The following AFF1 variants were observed in gnomAD, a reference collection of about 807,000 sequenced individuals.
The protein encoded by AFF1 is ALF transcription elongation factor 1.
In AFF1, 48 loss-of-function variants were observed where a neutral mutation model predicts 121.7. That is an observed-to-expected ratio of 0.39 (90% CI 0.31 to 0.50). The LOEUF is 0.50. Ranked by LOEUF, AFF1 falls within the 20% of genes least tolerant of loss-of-function variation. AFF1 has a pLI of 0.76. For synonymous variants in AFF1, 613 were observed against 563.0 expected (o/e 1.09, Z -1.26); for missense variants, 1,523 against 1,511.7 (o/e 1.01, Z -0.12).
intron 2 of AFF1, among the ~76,000 whole-genome samples, chr4:86,986,015 C>G (rs1560519015): frequency 6.7e-6 from 1 of 148,532 alleles, no homozygotes. Flanking sequence ...ACACCTGAAT[C>G]CTTTTTTTAA....
chr4:87,019,857 A>G (rs922767573), intron 2 of AFF1, among the ~76,000 whole-genome samples: 62 of 113,586 alleles, frequency 5.5e-4, no homozygotes, highest in Admixed American at 1.4e-3. Context: ...CTGGAGGTCC[A>G]GACCTGTGAC....
intron 2 of AFF1, chr4:87,020,924 CTT>C: frequency 1.2e-6 from 1 of 800,170 alleles, no homozygotes; most frequent in Non-Finnish European, 1.5e-6. Context: ...AGATGTGTAT[CTT>C]TTAATATATT....
In AFF1 at chr4:86,947,605, T is replaced by G. The variant is rs181016782; in HGVS notation, c.-36-893T>G. 8.7e-4 allele frequency among the ~76,000 whole-genome samples: 133 copies of G among 152,280 alleles called. 1 individual carries two copies. Among genetic ancestry groups the G allele is most frequent in the African/African-American group, 3.0e-3 (123 of 41,556 alleles). ...TTGAAAAGTAAAACAAACTATTTAATGCAAGTTAGGATAAGTGTAGTCAAT... is the reference window on the plus strand; with the variant it reads ...TTGAAAAGTAAAACAAACTATTTAAGGCAAGTTAGGATAAGTGTAGTCAAT... On this transcript the variant is annotated intron_variant, in intron 1 of 20. Transcript: ENST00000395146.
At position 86,945,497 on chromosome 4, in the gene AFF1, A is replaced by ATTTTTTTTTTTTT. The variant is rs34305215; in HGVS notation, c.-36-2989_-36-2977dup. On this transcript the variant is annotated intron_variant, in intron 1 of 20. Transcript: ENST00000395146. ...GTGCCACCTTGCCCAGCCTTTCCCA[A>ATTTTTTTTTTTTT]TTTTTTTTTTTTTTTTTTTTTTTTA... Among the ~76,000 whole-genome samples the ATTTTTTTTTTTTT allele has an allele frequency of 4.6e-5, 4 of 86,630 alleles. 1 individual carries two copies. The highest frequency in any genetic ancestry group is 2.1e-4 in the African/African-American group (4 of 19,132). The allele number at this position is 86,630 out of a possible 152,430, so 56.8% of individuals were successfully genotyped here.
intron 4 of AFF1, among the ~76,000 whole-genome samples, chr4:87,051,423 T>A (rs1392665987): frequency 6.6e-6 from 1 of 151,906 alleles, no homozygotes; most frequent in African/African-American, 2.4e-5. Flanking sequence ...TTCTTTTTTT[T>A]TTTTTTAACG....
chr4:86,964,951 C>T (rs950318789), intron 2 of AFF1, among the ~76,000 whole-genome samples: 51 of 152,240 alleles, frequency 3.3e-4, no homozygotes, highest in African/African-American at 1.1e-3. Context: ...CTGTGTTTTG[C>T]AAATAACCAG....
intron 2 of AFF1, among the ~76,000 whole-genome samples, chr4:86,982,298 A>C (rs76388202): frequency 0.042 from 6,375 of 151,962 alleles, 438 homozygotes; most frequent in African/African-American, 0.15. Context: ...GGAGTACAAC[A>C]GTTTGCTAAG....
chr4:86,972,840 T>TA (rs1376066055), intron 2 of AFF1, among the ~76,000 whole-genome samples: 1 of 152,172 alleles, frequency 6.6e-6, no homozygotes, highest in African/African-American at 2.4e-5. Flanking sequence ...ACACCTGGCC[T>TA]AATATTATTT....
intron 2 of AFF1, among the ~76,000 whole-genome samples, chr4:86,988,148 T>TC (rs2149500410): frequency 6.6e-6 from 1 of 152,266 alleles, no homozygotes; most frequent in African/African-American, 2.4e-5. Context: ...AGGATGTTCA[T>TC]CACTTAAAAC....
rs1729502860 is a variant in AFF1 at position 87,138,823 on chromosome 4, C to CA, written c.*3127dup. ...GGGAAAAGTATCTAATATTTTGTAA[C>CA]AAAAAGACCTTCATATTATCTGTTT... On this transcript the variant is annotated 3_prime_UTR_variant, in exon 21 of 21. Coordinates refer to ENST00000395146, the MANE Select transcript of AFF1 (RefSeq NM_001166693.3). 4.4e-6 allele frequency: 1 copy of CA among 228,654 alleles called. No individual in the cohort carries two copies. The allele number at this position is 228,654 out of a possible 1,614,324, so 14.2% of individuals were successfully genotyped here.
intron 2 of AFF1, among the ~76,000 whole-genome samples, chr4:87,035,281 G>T (rs767201353): frequency 3.2e-4 from 49 of 152,150 alleles, no homozygotes; most frequent in Non-Finnish European, 4.7e-4. Flanking sequence ...CACCCAGGAG[G>T]CCTGGCATGG....
intron 11 of AFF1, among the ~76,000 whole-genome samples, chr4:87,113,086 G>A (rs973249712): frequency 6.6e-6 from 1 of 152,198 alleles, no homozygotes; most frequent in Admixed American, 6.5e-5. Context: ...CAGCCGAGCT[G>A]GAGAGACGTG....
At chr4:86,960,145 TGA>T (rs777224954) in intron 2 of AFF1, among the ~76,000 whole-genome samples, 13 of 152,164 alleles carry the variant, frequency 8.5e-5, no homozygotes, top group Non-Finnish European at 1.5e-4. Flanking sequence ...TTCCTAGTGG[TGA>T]GCATGGGGCT....
At chr4:87,069,515 T>TC (rs1317099938) in intron 4 of AFF1, among the ~76,000 whole-genome samples, 2 of 146,228 alleles carry the variant, frequency 1.4e-5, no homozygotes, top group African/African-American at 5.1e-5. Context: ...TTTTCTCTCC[T>TC]CTCCCCTCCT....
At chr4:86,940,373 CA>C (rs1720364227) in intron 1 of AFF1, among the ~76,000 whole-genome samples, 1 of 152,156 alleles carries the variant, frequency 6.6e-6, no homozygotes, top group Non-Finnish European at 1.5e-5. Context: ...GTGACACATG[CA>C]AAAACAGTGG....
In AFF1 at chr4:86,948,677, C is replaced by A. The variant is rs376099108; in HGVS notation, c.38+106C>A. ...TTCAATTTTGCAACTTAAGAACTCA[C>A]GGGTGCAAGAAAATGTTTGAAATTT... is the stretch of plus-strand genomic sequence containing the variant. On this transcript the variant is annotated intron_variant, in intron 2 of 20. Transcript: ENST00000395146. 23 of 1,033,262 alleles carry A rather than the reference C, an allele frequency of 2.2e-5. 1 individual carries two copies. The South Asian group carries it at 4.1e-4, about 18-fold the overall frequency. 64.0% of individuals were successfully genotyped at this position (1,033,262 alleles called of 1,614,324 possible).
chr4:87,104,838 A>G (rs888605773), intron 8 of AFF1, among the ~76,000 whole-genome samples: 3 of 151,960 alleles, frequency 2.0e-5, no homozygotes, highest in Non-Finnish European at 4.4e-5. Context: ...ATGCCTACAG[A>G]TACATTAATC....
chr4:87,044,189 C>T (rs1730442027), intron 2 of AFF1, among the ~76,000 whole-genome samples: 1 of 152,102 alleles, frequency 6.6e-6, no homozygotes, highest in Admixed American at 6.6e-5. Context: ...ATCCTACTCC[C>T]ATAGATTAAA....
chr4:86,969,350 G>A (rs1223418808), intron 2 of AFF1, among the ~76,000 whole-genome samples: 4 of 151,584 alleles, frequency 2.6e-5, no homozygotes, highest in African/African-American at 9.7e-5. Flanking sequence ...GTGGTGGCAC[G>A]TGCCTGTAGT....
Sources: gnomAD v4.1 joint callset for allele counts (sites outside exome capture counted in the v4.1 genomes callset) on GRCh38, gnomAD v4.1.1 for gene constraint, MANE v1.5 for transcripts, NCBI Gene and HGNC (gene_info 2026-07-23, HGNC 2026-07-21) for gene names.